PAN3: variants seen among roughly 807,000 people sequenced by gnomAD.
PAN3 encodes PAN2-PAN3 deadenylation complex subunit PAN3.
Under a neutral mutation model 96.2 loss-of-function variants are expected in PAN3, and 19 were observed. The ratio of observed to expected loss-of-function variants is 0.20; its 90% confidence interval spans 0.14 to 0.29. The LOEUF (loss-of-function observed/expected upper bound fraction) is 0.29. Ranked by LOEUF, PAN3 falls within the 10% of genes least tolerant of loss-of-function variation. The probability of loss-of-function intolerance (pLI) is 1.00; values close to 1 mark genes in which losing one functional copy is unlikely to be tolerated. For synonymous variants in PAN3, 433 were observed against 406.6 expected (o/e 1.06, Z -0.78); for missense variants, 882 against 1,108.1 (o/e 0.80, Z 2.90).
chr13:28,143,471 C>T (rs1234763405), intron 1 of PAN3, among the ~76,000 whole-genome samples: 10 of 152,120 alleles, frequency 6.6e-5, no homozygotes, highest in African/African-American at 2.2e-4. Context: ...ATTTGAAACC[C>T]AGTAGTTTTA....
At chr13:28,144,105 GAAC>G (rs748691336) in intron 1 of PAN3, among the ~76,000 whole-genome samples, 8 of 151,242 alleles carry the variant, frequency 5.3e-5, no homozygotes, top group Non-Finnish European at 2.9e-5. Flanking sequence ...AAGGTGATAG[GAAC>G]AACAACAGCA....
At chr13:28,159,529 A>G (rs1314050357) in intron 1 of PAN3, among the ~76,000 whole-genome samples, 1 of 152,044 alleles carries the variant, frequency 6.6e-6, no homozygotes. Context: ...GCTCACTGCA[A>G]CCTCCGCCTC....
chr13:28,243,684 G>C (rs557754675), intron 6 of PAN3, among the ~76,000 whole-genome samples: 1 of 151,836 alleles, frequency 6.6e-6, no homozygotes, highest in African/African-American at 2.4e-5. Context: ...TTTAGGTTTT[G>C]TTTTTGTTTT....
Position 28,293,847 on chromosome 13 carries a change from A to T in PAN3, c.*1325A>T, listed in dbSNP as rs981569492. The T allele has an allele frequency of 2.0e-5, 3 of 152,644 alleles. No individual in the cohort carries two copies. The highest frequency in any genetic ancestry group is 6.5e-5 in the Admixed American group (1 of 15,280). The allele number at this position is 152,644 out of a possible 1,614,324, so 9.5% of individuals were successfully genotyped here. Reference sequence around the variant, plus strand: ...TTCTTAAAAAACAGTAATGAAGACTATATCTCCTTTCCCAGCACTGAATGT... The same window carrying T: ...TTCTTAAAAAACAGTAATGAAGACTTTATCTCCTTTCCCAGCACTGAATGT... On this transcript the variant is annotated 3_prime_UTR_variant, in exon 19 of 19. Transcript: ENST00000380958.
intron 5 of PAN3, 80 bp from the exon 6 acceptor site, chr13:28,220,151 A>T: frequency 7.5e-7 from 1 of 1,324,912 alleles, no homozygotes. Flanking sequence ...TAAATAAAGC[A>T]CTGTGGAATA....
intron 12 of PAN3, among the ~76,000 whole-genome samples, chr13:28,269,296 T>C (rs1355986983): frequency 6.6e-6 from 1 of 152,124 alleles, no homozygotes; most frequent in Non-Finnish European, 1.5e-5. Context: ...TTATTCTGTT[T>C]TTGGTGTTCA....
At chr13:28,195,879 G>A (rs1455561119) in intron 4 of PAN3, among the ~76,000 whole-genome samples, 1 of 152,026 alleles carries the variant, frequency 6.6e-6, no homozygotes, top group Non-Finnish European at 1.5e-5. Flanking sequence ...GCACACTTGT[G>A]GAGTGGAGAA....
intron 1 of PAN3, among the ~76,000 whole-genome samples, chr13:28,154,965 C>G (rs528270311): frequency 6.6e-6 from 1 of 151,682 alleles, no homozygotes; most frequent in South Asian, 2.1e-4. Context: ...GGAGTACAGT[C>G]GCCCACCACC....
At chr13:28,254,644 CT>C in intron 6 of PAN3, among the ~76,000 whole-genome samples, 1 of 151,840 alleles carries the variant, frequency 6.6e-6, no homozygotes, top group Admixed American at 6.6e-5. Context: ...AAAAACAGCT[CT>C]GGAATAGTTT....
chr13:28,210,427 G>A (rs1407246409), intron 5 of PAN3, among the ~76,000 whole-genome samples: 1 of 151,994 alleles, frequency 6.6e-6, no homozygotes, highest in East Asian at 1.9e-4. Flanking sequence ...TGAATCTTTT[G>A]GAAATACTAG....
At chr13:28,238,886 A>T (rs1031018515) in intron 6 of PAN3, among the ~76,000 whole-genome samples, 7 of 152,084 alleles carry the variant, frequency 4.6e-5, no homozygotes, top group Non-Finnish European at 7.4e-5. Context: ...CATATCTTGA[A>T]GCTCAAAGGC....
chr13:28,280,016 C>G (rs1887337376), intron 15 of PAN3, among the ~76,000 whole-genome samples: 1 of 151,908 alleles, frequency 6.6e-6, no homozygotes, highest in Non-Finnish European at 1.5e-5. Flanking sequence ...CCAGGCTGGT[C>G]TTAAAGTGAT....
chr13:28,147,724 CAT>C (rs1870858200), intron 1 of PAN3, among the ~76,000 whole-genome samples: 1 of 152,154 alleles, frequency 6.6e-6, no homozygotes, highest in African/African-American at 2.4e-5. Flanking sequence ...CTACTGAACT[CAT>C]ATCATTTTTC....
chr13:28,212,645 C>G (rs1880184183), intron 5 of PAN3, among the ~76,000 whole-genome samples: 1 of 152,056 alleles, frequency 6.6e-6, no homozygotes, highest in South Asian at 2.1e-4. Flanking sequence ...AACATATATA[C>G]ATAGATAAGA....
intron 1 of PAN3, among the ~76,000 whole-genome samples, chr13:28,149,084 G>A (rs897776929): frequency 6.6e-6 from 1 of 152,030 alleles, no homozygotes; most frequent in Non-Finnish European, 1.5e-5. Context: ...GTGGGGTGTG[G>A]CGACTCATAC....
rs571710396 is a variant in PAN3, at chr13:28,152,726, CG to C, written c.430+13640del. Among the ~76,000 whole-genome samples the C allele has an allele frequency of 2.1e-3, 323 of 152,196 alleles. 1 individual carries two copies. Among genetic ancestry groups the C allele is most frequent in the African/African-American group, 7.4e-3 (308 of 41,516 alleles). On this transcript the variant is annotated intron_variant, in intron 1 of 18. Transcript: ENST00000380958. ...AGCATGGAGCTGAAGATAAATGTCC[CG>C]TTTGAAAAAATGACAGCCCTTCAGA...
intron 1 of PAN3, among the ~76,000 whole-genome samples, chr13:28,166,712 TGTACTGCACTCCTGAAGAG>T (rs1873594109): frequency 6.6e-6 from 1 of 152,218 alleles, no homozygotes; most frequent in African/African-American, 2.4e-5. Flanking sequence ...TGCCTCTGAG[TGTACTGCACTCCTGAAGAG>T]TTAGCACCAT....
chr13:28,174,450 A>T (rs983696091), intron 2 of PAN3, 57 bp downstream of exon 2: 1 of 1,541,814 alleles, frequency 6.5e-7, no homozygotes, highest in Admixed American at 1.9e-5. Context: ...GCCAGAGGAC[A>T]TATAGAGTCT....
intron 6 of PAN3, among the ~76,000 whole-genome samples, chr13:28,238,116 T>C (rs1883270475): frequency 6.6e-6 from 1 of 152,208 alleles, no homozygotes; most frequent in South Asian, 2.1e-4. Context: ...TAAAACTGTT[T>C]TAAAACCACT....
Sources: allele counts gnomAD v4.1 joint callset (sites outside exome capture counted in the v4.1 genomes callset), GRCh38; gene constraint gnomAD v4.1.1; transcripts MANE v1.5; gene names NCBI Gene and HGNC (gene_info 2026-07-23, HGNC 2026-07-21).